ADAMTS17: variants seen among roughly 807,000 people sequenced by gnomAD.
ADAMTS17 encodes the protein ADAM metallopeptidase with thrombospondin type 1 motif 17.
In ADAMTS17, 113 loss-of-function variants were observed where a neutral mutation model predicts 141.5. The observed-to-expected ratio is 0.80, with a 90% CI of 0.69 to 0.93. The LOEUF (loss-of-function observed/expected upper bound fraction) is 0.93, where lower values mean the gene tolerates loss of function less well. Ranked by LOEUF, ADAMTS17 falls within the 40% of genes least tolerant of loss-of-function variation. The probability of loss-of-function intolerance (pLI) is 0.00; values close to 1 mark genes in which losing one functional copy is unlikely to be tolerated. For synonymous variants in ADAMTS17, 768 were observed against 630.6 expected (o/e 1.22, Z -3.27); for missense variants, 1,659 against 1,517.9 (o/e 1.09, Z -1.54).
intron 3 of ADAMTS17, among the ~76,000 whole-genome samples, chr15:100,303,955 C>T (rs929389489): frequency 2.6e-5 from 4 of 152,212 alleles, no homozygotes; most frequent in African/African-American, 7.2e-5. Context: ...AACTCCTGAC[C>T]TCAGGTGATC....
chr15:100,132,446 C>T (rs1011302384), intron 11 of ADAMTS17, among the ~76,000 whole-genome samples: 11 of 152,156 alleles, frequency 7.2e-5, no homozygotes, highest in Admixed American at 5.9e-4. Flanking sequence ...CTTGAAGAGA[C>T]CTGGGCTTCT....
chr15:100,318,695 G>A (rs1036593330), intron 3 of ADAMTS17, among the ~76,000 whole-genome samples: 2 of 152,192 alleles, frequency 1.3e-5, no homozygotes, highest in Non-Finnish European at 2.9e-5. Flanking sequence ...ATAAACAAAC[G>A]GGAAAATCTC....
chr15:100,203,168 C>G (rs900776544), intron 7 of ADAMTS17, among the ~76,000 whole-genome samples: 1 of 152,196 alleles, frequency 6.6e-6, no homozygotes, highest in Non-Finnish European at 1.5e-5. Flanking sequence ...CTCCACTACA[C>G]CCCTGACAAC....
intron 3 of ADAMTS17, among the ~76,000 whole-genome samples, chr15:100,325,874 C>G (rs1431297485): frequency 6.6e-6 from 1 of 152,178 alleles, no homozygotes; most frequent in Admixed American, 6.5e-5. Context: ...CATCTGCAAG[C>G]CAAGGAGAGA....
chr15:100,208,646 G>C (rs2041672836), intron 7 of ADAMTS17, among the ~76,000 whole-genome samples: 1 of 152,134 alleles, frequency 6.6e-6, no homozygotes, highest in South Asian at 2.1e-4. Flanking sequence ...AAGCTCATGA[G>C]TTTACAAATA....
At chr15:100,140,509 C>CATATATATATATATATA (rs1567241180) in intron 10 of ADAMTS17, among the ~76,000 whole-genome samples, 1 of 102,278 alleles carries the variant, frequency 9.8e-6, no homozygotes, top group Non-Finnish European at 2.1e-5. Context: ...ATATATATAT[C>CATATATATATATATATA]CAGTAAAGAC....
At chr15:100,258,514 T>TGGTGGAA (rs1272165890) in intron 6 of ADAMTS17, among the ~76,000 whole-genome samples, 1 of 152,182 alleles carries the variant, frequency 6.6e-6, no homozygotes, top group Non-Finnish European at 1.5e-5. Flanking sequence ...CTCACAATCA[T>TGGTGGAA]GGTGGAAGGC....
intron 15 of ADAMTS17, among the ~76,000 whole-genome samples, chr15:100,065,076 A>C (rs1329143448): frequency 6.6e-6 from 1 of 152,220 alleles, no homozygotes; most frequent in Non-Finnish European, 1.5e-5. Context: ...TTCTCACAAT[A>C]AAATGGATTT....
chr15:100,297,581 G>A (rs773338427), intron 3 of ADAMTS17, among the ~76,000 whole-genome samples: 1 of 152,174 alleles, frequency 6.6e-6, no homozygotes, highest in African/African-American at 2.4e-5. Context: ...CACTGACCTG[G>A]ATGAATGGGG....
chr15:100,050,702 G>C (rs1303957313), intron 17 of ADAMTS17, among the ~76,000 whole-genome samples: 2 of 152,232 alleles, frequency 1.3e-5, no homozygotes, highest in Non-Finnish European at 2.9e-5. Context: ...GATGGCGGGG[G>C]CTATGCCCGG....
intron 3 of ADAMTS17, among the ~76,000 whole-genome samples, 173 bp downstream of exon 3, chr15:100,330,716 C>T (rs891126119): frequency 1.2e-4 from 19 of 152,050 alleles, no homozygotes; most frequent in African/African-American, 4.1e-4. Context: ...AAAGGACTGC[C>T]GACACTAAGA....
intron 15 of ADAMTS17, 130 bp downstream of exon 15, chr15:100,096,225 TG>T: frequency 6.8e-7 from 1 of 1,477,162 alleles, no homozygotes; most frequent in Non-Finnish European, 9.2e-7. Context: ...GAAATGAAAC[TG>T]AAGTTCCAGG....
At chr15:100,106,130 G>A (rs2036401348) in intron 14 of ADAMTS17, among the ~76,000 whole-genome samples, 1 of 152,118 alleles carries the variant, frequency 6.6e-6, no homozygotes, top group Non-Finnish European at 1.5e-5. Context: ...TGGAGTAGCT[G>A]GAACTACAGG....
intron 12 of ADAMTS17, among the ~76,000 whole-genome samples, chr15:100,120,840 A>G (rs2037416791): frequency 6.6e-6 from 1 of 152,264 alleles, no homozygotes; most frequent in South Asian, 2.1e-4. Flanking sequence ...AACAGAAAGT[A>G]TGGTTCATTC....
intron 18 of ADAMTS17, among the ~76,000 whole-genome samples, chr15:100,036,316 C>G (rs914299857): frequency 2.0e-5 from 3 of 152,222 alleles, no homozygotes; most frequent in Non-Finnish European, 2.9e-5. Context: ...CTGGGAGAAG[C>G]CGGCACTGCG....
At chr15:100,138,290 T>C (rs2038441925) in intron 10 of ADAMTS17, among the ~76,000 whole-genome samples, 2 of 152,268 alleles carry the variant, frequency 1.3e-5, no homozygotes, top group South Asian at 4.1e-4. Flanking sequence ...TAATCAAACA[T>C]GGTAATGTGA....
chr15:100,191,558 T>C (rs2040917709), intron 8 of ADAMTS17, among the ~76,000 whole-genome samples: 1 of 152,230 alleles, frequency 6.6e-6, no homozygotes, highest in Admixed American at 6.5e-5. Flanking sequence ...TCGCCTCGCA[T>C]GAGACTCCAC....
At chr15:99,989,002 T>A (rs1032273961) in intron 20 of ADAMTS17, among the ~76,000 whole-genome samples, 2 of 152,164 alleles carry the variant, frequency 1.3e-5, no homozygotes, top group South Asian at 4.1e-4. Flanking sequence ...AGAACAGGAA[T>A]GGTGATGCTG....
intron 2 of ADAMTS17, among the ~76,000 whole-genome samples, chr15:100,336,609 C>T (rs1054676489): frequency 6.6e-6 from 1 of 152,178 alleles, no homozygotes; most frequent in African/African-American, 2.4e-5. Context: ...CTTCCTCAGA[C>T]CTGTCTCAAT....
Sources: allele counts gnomAD v4.1 joint callset (sites outside exome capture counted in the v4.1 genomes callset), GRCh38; gene constraint gnomAD v4.1.1; transcripts MANE v1.5; gene names NCBI Gene and HGNC (gene_info 2026-07-23, HGNC 2026-07-21).